CSMD1: variants seen among roughly 807,000 people sequenced by gnomAD.
CSMD1 encodes the protein CUB and Sushi multiple domains 1.
In CSMD1, 213 loss-of-function variants were observed where a neutral mutation model predicts 417.5. The ratio of observed to expected loss-of-function variants is 0.51; its 90% CI spans 0.46 to 0.57. The LOEUF is 0.57. Among genes scored for constraint, CSMD1 ranks in the 20% least tolerant of loss-of-function variants. The probability of loss-of-function intolerance (pLI) is 0.00; values close to 1 mark genes in which losing one functional copy is unlikely to be tolerated. For missense variants in CSMD1, 6,923 were observed against 4,529.7 expected, an observed-to-expected ratio of 1.53 and a Z score of -15.17; for synonymous variants, 2,862 against 1,736.8, an observed-to-expected ratio of 1.65 and a Z score of -16.11.
intron 10 of CSMD1, among the ~76,000 whole-genome samples, chr8:3,553,762 G>C (rs1799020681): frequency 6.6e-6 from 1 of 152,142 alleles, no homozygotes; most frequent in Non-Finnish European, 1.5e-5. Flanking sequence ...TAAATCTAGA[G>C]AGATGTTTAT....
intron 3 of CSMD1, among the ~76,000 whole-genome samples, chr8:4,388,094 T>A (rs1803580825): frequency 1.3e-5 from 2 of 152,182 alleles, no homozygotes; most frequent in South Asian, 4.1e-4. Context: ...AAACCAGGAC[T>A]AAAGATACAG....
At chr8:3,303,085 T>A (rs745649921) in intron 25 of CSMD1, among the ~76,000 whole-genome samples, 1 of 152,184 alleles carries the variant, frequency 6.6e-6, no homozygotes, top group Non-Finnish European at 1.5e-5. Context: ...TATTTCTTTG[T>A]ATTGTCTATG....
chr8:4,962,314 G>C (rs560632351), intron 1 of CSMD1, among the ~76,000 whole-genome samples: 4 of 152,042 alleles, frequency 2.6e-5, no homozygotes, highest in African/African-American at 7.2e-5. Flanking sequence ...GGTCTCAAAA[G>C]AGCTTCCCAT....
chr8:4,275,862 C>A (rs112780794), intron 3 of CSMD1, among the ~76,000 whole-genome samples: 1 of 152,114 alleles, frequency 6.6e-6, no homozygotes, highest in Non-Finnish European at 1.5e-5. Flanking sequence ...TTCCACAAGG[C>A]ATGAATTATA....
intron 4 of CSMD1, among the ~76,000 whole-genome samples, chr8:4,022,090 C>CAT (rs1463131770): frequency 1.8e-5 from 2 of 112,150 alleles, no homozygotes; most frequent in African/African-American, 5.8e-5. Context: ...TGTATCCACA[C>CAT]ACACACATAT....
At chr8:4,336,653 A>C (rs147484827) in intron 3 of CSMD1, among the ~76,000 whole-genome samples, 22 of 152,274 alleles carry the variant, frequency 1.4e-4, no homozygotes, top group African/African-American at 3.6e-4. Flanking sequence ...GCTTCACTTC[A>C]CAGCTTTCAC....
chr8:3,173,265 C>A (rs537637357), intron 37 of CSMD1, among the ~76,000 whole-genome samples: 3 of 152,186 alleles, frequency 2.0e-5, no homozygotes, highest in African/African-American at 7.2e-5. Context: ...ATATTGAATG[C>A]CTAAAGTAAT....
chr8:3,853,656 C>T (rs973560008), intron 5 of CSMD1, among the ~76,000 whole-genome samples: 19 of 151,832 alleles, frequency 1.3e-4, no homozygotes, highest in Non-Finnish European at 2.5e-4. Context: ...TCCGAAGGAC[C>T]ATCTTCCCTA....
intron 3 of CSMD1, among the ~76,000 whole-genome samples, chr8:4,127,053 T>C (rs1802805990): frequency 6.7e-6 from 1 of 150,112 alleles, no homozygotes. Context: ...TAGTTCAAGT[T>C]TTAGCCAAAA....
intron 3 of CSMD1, among the ~76,000 whole-genome samples, chr8:4,089,133 C>G (rs905685190): frequency 1.3e-5 from 2 of 152,178 alleles, no homozygotes; most frequent in African/African-American, 4.8e-5. Flanking sequence ...GATTCCAGTG[C>G]TTAACAAAAC....
intron 25 of CSMD1, among the ~76,000 whole-genome samples, chr8:3,293,417 G>T (rs868729265): frequency 1.3e-5 from 2 of 152,192 alleles, no homozygotes; most frequent in Non-Finnish European, 2.9e-5. Context: ...ATCCTGCAGA[G>T]TGTTTTCCAA....
intron 1 of CSMD1, among the ~76,000 whole-genome samples, chr8:4,915,122 G>A (rs1016074374): frequency 6.6e-6 from 1 of 152,060 alleles, no homozygotes; most frequent in African/African-American, 2.4e-5. Flanking sequence ...TACCAACTGT[G>A]GTTGCCGAAC....
intron 6 of CSMD1, among the ~76,000 whole-genome samples, chr8:3,726,265 T>G (rs538259925): frequency 2.6e-5 from 4 of 152,184 alleles, no homozygotes; most frequent in African/African-American, 9.7e-5. Flanking sequence ...ACAGCCCAGC[T>G]AGGCTGCACA....
intron 3 of CSMD1, among the ~76,000 whole-genome samples, chr8:4,396,831 T>C (rs1329103647): frequency 1.3e-5 from 2 of 152,016 alleles, no homozygotes; most frequent in African/African-American, 2.4e-5. Flanking sequence ...AGCTAAGCTA[T>C]GAGCATGAAA....
chr8:4,412,105 G>A (rs181800571), intron 3 of CSMD1, among the ~76,000 whole-genome samples: 129 of 152,018 alleles, frequency 8.5e-4, no homozygotes, highest in African/African-American at 2.8e-3. Flanking sequence ...GTGCGTGTGT[G>A]TGCATGTGTG....
intron 12 of CSMD1, among the ~76,000 whole-genome samples, chr8:3,416,016 T>G (rs889918682): frequency 6.6e-6 from 1 of 152,118 alleles, no homozygotes; most frequent in Non-Finnish European, 1.5e-5. Context: ...AAATAAGTGT[T>G]CTTGGCTGGG....
intron 5 of CSMD1, among the ~76,000 whole-genome samples, chr8:3,913,521 G>A (rs914951730): frequency 5.3e-5 from 8 of 152,142 alleles, no homozygotes; most frequent in African/African-American, 1.9e-4. Flanking sequence ...TTTCAGAAAG[G>A]ATGGAGCGAG....
chr8:4,089,595 G>C (rs1285572210), intron 3 of CSMD1, among the ~76,000 whole-genome samples: 1 of 152,108 alleles, frequency 6.6e-6, no homozygotes, highest in Non-Finnish European at 1.5e-5. Flanking sequence ...TCTCTCAAAG[G>C]TTAAATGGGG....
At chr8:4,079,149 G>GACAT (rs1799991811) in intron 3 of CSMD1, among the ~76,000 whole-genome samples, 1 of 151,798 alleles carries the variant, frequency 6.6e-6, no homozygotes, top group Non-Finnish European at 1.5e-5. Context: ...TCATATAAAA[G>GACAT]AGAAAAAGAC....
Sources: gnomAD v4.1 joint callset for allele counts (sites outside exome capture counted in the v4.1 genomes callset) on GRCh38, gnomAD v4.1.1 for gene constraint, MANE v1.5 for transcripts, NCBI Gene and HGNC (gene_info 2026-07-23, HGNC 2026-07-21) for gene names.